MYOZ2: variants seen among roughly 807,000 people sequenced by gnomAD.
MYOZ2 encodes myozenin-2.
Under a neutral mutation model 25.4 loss-of-function variants are expected in MYOZ2, and 19 were observed. The observed-to-expected ratio is 0.75, with a 90% CI of 0.52 to 1.10. The LOEUF (loss-of-function observed/expected upper bound fraction) is 1.10, where lower values mean the gene tolerates loss of function less well. MYOZ2 is among the 50% of genes least tolerant of loss of function. The pLI is 0.00. For missense variants in MYOZ2, 270 were observed against 317.9 expected (o/e 0.85, Z 1.15); for synonymous variants, 92 against 106.9 (o/e 0.86, Z 0.86).
intron 5 of MYOZ2, among the ~76,000 whole-genome samples, chr4:119,180,035 T>G (rs191619740): frequency 6.6e-6 from 1 of 152,214 alleles, no homozygotes; most frequent in Non-Finnish European, 1.5e-5. Flanking sequence ...TGGCACATAG[T>G]AGGCACACAT....
intron 2 of MYOZ2, among the ~76,000 whole-genome samples, chr4:119,137,894 T>G: frequency 6.6e-6 from 1 of 152,168 alleles, no homozygotes. Flanking sequence ...AAAAATCAGA[T>G]GATCACTGGA....
chr4:119,186,330 G>T lies in MYOZ2; in HGVS notation c.*130G>T. 3 of 702,738 alleles carry T rather than the reference G, an allele frequency of 4.3e-6. No individual in the cohort carries two copies. Among genetic ancestry groups the T allele is most frequent in the Non-Finnish European group, 7.2e-6 (3 of 418,528 alleles). The allele number at this position is 702,738 out of a possible 1,614,324, so 43.5% of individuals were successfully genotyped here. On this transcript the variant is annotated 3_prime_UTR_variant, in exon 6 of 6. Transcript: ENST00000307128. ...AGCAATTTAGTGATTTTCCTTTTCTGACATTCAATTTCAATCTCAGATCAA... is the reference window on the plus strand; with the variant it reads ...AGCAATTTAGTGATTTTCCTTTTCTTACATTCAATTTCAATCTCAGATCAA...
At chr4:119,179,315 C>T (rs1484409875) in intron 5 of MYOZ2, among the ~76,000 whole-genome samples, 2 of 152,152 alleles carry the variant, frequency 1.3e-5, no homozygotes, top group African/African-American at 4.8e-5. Flanking sequence ...AAATGCTTTC[C>T]TCAGATTTTC....
intron 4 of MYOZ2, among the ~76,000 whole-genome samples, chr4:119,159,805 T>C (rs1446834365): frequency 6.6e-6 from 1 of 152,154 alleles, no homozygotes; most frequent in Non-Finnish European, 1.5e-5. Flanking sequence ...TATTAGAGCA[T>C]TCTTAATGAG....
intron 5 of MYOZ2, among the ~76,000 whole-genome samples, chr4:119,164,953 A>AT (rs1443874704): frequency 6.6e-6 from 1 of 151,448 alleles, no homozygotes; most frequent in South Asian, 2.1e-4. Context: ...ATGGGCATCC[A>AT]TTTTTCTCTG....
intron 2 of MYOZ2, among the ~76,000 whole-genome samples, chr4:119,146,523 T>C (rs1327553926): frequency 6.6e-6 from 1 of 152,140 alleles, no homozygotes; most frequent in Non-Finnish European, 1.5e-5. Context: ...TTCCAAGTGT[T>C]TGGAGATTTT....
chr4:119,146,662 A>G (rs1741307886), intron 2 of MYOZ2, among the ~76,000 whole-genome samples: 2 of 152,168 alleles, frequency 1.3e-5, no homozygotes, highest in Admixed American at 1.3e-4. Flanking sequence ...ATCTTGATAT[A>G]TATTCCACTG....
chr4:119,168,485 C>T (rs758842403), intron 5 of MYOZ2, among the ~76,000 whole-genome samples: 4 of 152,078 alleles, frequency 2.6e-5, no homozygotes, highest in African/African-American at 4.8e-5. Context: ...ATTTGTGATT[C>T]ATGGAAGGAA....
At chr4:119,170,870 A>G (rs1236115908) in intron 5 of MYOZ2, among the ~76,000 whole-genome samples, 1 of 152,184 alleles carries the variant, frequency 6.6e-6, no homozygotes, top group Non-Finnish European at 1.5e-5. Context: ...AAACCACACA[A>G]AAGGCACATG....
At chr4:119,155,855 A>C (rs7668987) in intron 3 of MYOZ2, among the ~76,000 whole-genome samples, 145,450 of 152,120 alleles carry the variant, frequency 0.96, 69,568 homozygotes, top group East Asian at 0.99. Flanking sequence ...GGATAACAGG[A>C]GCATGAAGAC....
chr4:119,166,528 A>T (rs1437460640), intron 5 of MYOZ2, among the ~76,000 whole-genome samples: 1 of 151,938 alleles, frequency 6.6e-6, no homozygotes, highest in Non-Finnish European at 1.5e-5. Context: ...AAAAAAGTAT[A>T]TGCACAGGGA....
intron 5 of MYOZ2, among the ~76,000 whole-genome samples, chr4:119,176,420 G>A (rs1319231170): frequency 2.6e-5 from 4 of 151,972 alleles, no homozygotes; most frequent in African/African-American, 4.8e-5. Context: ...ACAGGGTTTC[G>A]CCATGTTGGC....
intron 4 of MYOZ2, among the ~76,000 whole-genome samples, chr4:119,160,510 T>A (rs895821387): frequency 6.6e-6 from 1 of 152,154 alleles, no homozygotes; most frequent in Non-Finnish European, 1.5e-5. Context: ...AGAGCAGATG[T>A]CCAAAGAATA....
At chr4:119,163,835 T>C (rs1208429199) in intron 4 of MYOZ2, among the ~76,000 whole-genome samples, 2 of 152,188 alleles carry the variant, frequency 1.3e-5, no homozygotes, top group Admixed American at 1.3e-4. Flanking sequence ...CAATAGGCAC[T>C]CAATATTAAC....
intron 2 of MYOZ2, among the ~76,000 whole-genome samples, chr4:119,139,159 T>C (rs1248255020): frequency 6.6e-6 from 1 of 152,134 alleles, no homozygotes; most frequent in Non-Finnish European, 1.5e-5. Flanking sequence ...CTCCCAACAA[T>C]TGACTAATAA....
chr4:119,135,889 C>A lies in MYOZ2; in HGVS notation c.-108C>A. ...CTGTCCCAGGTTCAAGGATAAAAACCATCAGGCCCAAGTGCCATCCATAGT... is the reference window on the plus strand; with the variant it reads ...CTGTCCCAGGTTCAAGGATAAAAACAATCAGGCCCAAGTGCCATCCATAGT... On this transcript the variant is annotated 5_prime_UTR_variant, in exon 1 of 6. Coordinates refer to ENST00000307128, the MANE Select transcript of MYOZ2 (RefSeq NM_016599.5). 1 of 156,736 alleles carries A rather than the reference C, an allele frequency of 6.4e-6. No homozygotes were observed. The highest frequency in any genetic ancestry group is 1.4e-5 in the Non-Finnish European group (1 of 70,948). The allele number at this position is 156,736 out of a possible 1,614,324, so 9.7% of individuals were successfully genotyped here. A position where few individuals can be genotyped will look rare whatever the true frequency, so the allele number is the denominator to read the frequency against.
Position 119,142,308 on chromosome 4 carries a change from CTCT to C in MYOZ2, c.76+5711_76+5713del, listed in dbSNP as rs149197300. ...ATAAATAACCTCAAGAGCGTAACGT[CTCT>C]TCTATCTTTTATAATCTAAATTGAA... On this transcript the variant is annotated intron_variant, in intron 2 of 5. Coordinates refer to ENST00000307128, the MANE Select transcript of MYOZ2 (RefSeq NM_016599.5). 9.3e-3 allele frequency among the ~76,000 whole-genome samples: 1,423 copies of C among 152,314 alleles called. 7 individuals are homozygous for C. The highest frequency in any genetic ancestry group is 0.024 in the Middle Eastern group (7 of 294).
At chr4:119,148,542 A>C (rs1465543413) in intron 2 of MYOZ2, among the ~76,000 whole-genome samples, 2 of 151,970 alleles carry the variant, frequency 1.3e-5, no homozygotes, top group East Asian at 3.9e-4. Flanking sequence ...ATTTGTTTTC[A>C]AGTCTATTTT....
intron 5 of MYOZ2, among the ~76,000 whole-genome samples, chr4:119,165,101 AAGTT>A (rs1446715020): frequency 6.7e-6 from 1 of 150,076 alleles, no homozygotes; most frequent in Non-Finnish European, 1.5e-5. Context: ...CACTCAAAAA[AAGTT>A]AGACTCAATT....
Sources: allele counts gnomAD v4.1 joint callset (sites outside exome capture counted in the v4.1 genomes callset), GRCh38; gene constraint gnomAD v4.1.1; transcripts MANE v1.5; gene names NCBI Gene and HGNC (gene_info 2026-07-23, HGNC 2026-07-21).